STYK1: variants seen among roughly 807,000 people sequenced by gnomAD.
The protein encoded by STYK1 is tyrosine-protein kinase STYK1.
A neutral mutation model predicts 48.1 loss-of-function variants in STYK1; 46 were observed. The observed-to-expected ratio is 0.96, with a 90% confidence interval of 0.75 to 1.22. The LOEUF (loss-of-function observed/expected upper bound fraction) is 1.22, where lower values mean the gene tolerates loss of function less well. Ranked by LOEUF, STYK1 falls within the 50% of genes most tolerant of loss-of-function variation. The probability of loss-of-function intolerance (pLI) is 0.00; values close to 1 mark genes in which losing one functional copy is unlikely to be tolerated. For missense variants in STYK1, 527 were observed against 521.1 expected (o/e 1.01, Z -0.11); for synonymous variants, 188 against 189.0 (o/e 0.99, Z 0.04).
At position 10,660,648 on chromosome 12, in the gene STYK1, G is replaced by A. The variant is rs1393270237; in HGVS notation, c.-195+13318C>T. Among the ~76,000 whole-genome samples, 3 of 151,906 alleles carry A rather than the reference G, an allele frequency of 2.0e-5. 1 individual carries two copies. The highest frequency in any genetic ancestry group is 4.4e-5 in the Non-Finnish European group (3 of 67,986). Reference sequence around the variant, plus strand: ...GACATTTCTGATAAAACAGAATGTGGCAAAGAAGCAAGCCAAAACCCACCT... The same window carrying A: ...GACATTTCTGATAAAACAGAATGTGACAAAGAAGCAAGCCAAAACCCACCT... On this transcript the variant is annotated intron_variant, in intron 1 of 10. Coordinates refer to ENST00000075503, the MANE Select transcript of STYK1 (RefSeq NM_018423.3).
chr12:10,655,735 T>G (rs957347053), intron 1 of STYK1, among the ~76,000 whole-genome samples: 1 of 152,212 alleles, frequency 6.6e-6, no homozygotes, highest in Non-Finnish European at 1.5e-5. Flanking sequence ...CTTACTGGTT[T>G]CATCTGGGAG....
In STYK1 at chr12:10,670,787, A is replaced by T. The variant is rs149654407; in HGVS notation, c.-195+3179T>A. 3.8e-3 allele frequency among the ~76,000 whole-genome samples: 580 copies of T among 151,110 alleles called. 2 individuals carry two copies. The highest frequency in any genetic ancestry group is 0.014 in the African/African-American group (561 of 41,360). On this transcript the variant is annotated intron_variant, in intron 1 of 10. Transcript: ENST00000075503. Reference sequence around the variant, plus strand: ...ATACTATGTTAATTAGCTTAATTTAACTATTCCACAATATATACATATTTC... The same window carrying T: ...ATACTATGTTAATTAGCTTAATTTATCTATTCCACAATATATACATATTTC...
In STYK1 at chr12:10,620,031, A is replaced by C; in HGVS notation, c.*113T>G. ...GAGAAATGTGTAAAGGAAGATCAAG[A>C]ATCCATGTCCCATTTCTCCCTTTGT... On this transcript the variant is annotated 3_prime_UTR_variant, in exon 11 of 11. Coordinates refer to ENST00000075503, the MANE Select transcript of STYK1 (RefSeq NM_018423.3). 1.7e-6 allele frequency: 2 copies of C among 1,181,354 alleles called. No homozygotes were observed. Among genetic ancestry groups the C allele is most frequent in the Non-Finnish European group, 2.5e-6 (2 of 811,752 alleles). The allele number at this position is 1,181,354 out of a possible 1,614,324, so 73.2% of individuals were successfully genotyped here.
At chr12:10,660,493 C>A (rs1488247830) in intron 1 of STYK1, among the ~76,000 whole-genome samples, 1 of 32,446 alleles carries the variant, frequency 3.1e-5, no homozygotes, top group African/African-American at 7.0e-5. Flanking sequence ...GCATTTGAAC[C>A]AAGGCAGCTC....
intron 1 of STYK1, among the ~76,000 whole-genome samples, chr12:10,663,897 T>G (rs1362143958): frequency 6.6e-6 from 1 of 152,206 alleles, no homozygotes; most frequent in East Asian, 1.9e-4. Context: ...TCAAGGATAC[T>G]TGGGATGTTT....
In STYK1 at chr12:10,621,748, G is replaced by A; in HGVS notation, c.1064+128C>T. 1.9e-5 allele frequency: 14 copies of A among 732,134 alleles called. No individual in the cohort carries two copies. In the South Asian group the frequency reaches 2.5e-4, roughly 13 times the overall value. 45.4% of individuals were successfully genotyped at this position (732,134 alleles called of 1,614,324 possible). A position where few individuals can be genotyped will look rare whatever the true frequency, so the allele number is the denominator to read the frequency against. On this transcript the variant is annotated intron_variant, in intron 10 of 10. Transcript: ENST00000075503. ...AGGTATATTTTACTGCATGGGTTTG[G>A]TTAAAAGCTGTACATGGGTACATAT...
intron 1 of STYK1, among the ~76,000 whole-genome samples, chr12:10,645,127 G>T (rs1230622748): frequency 6.6e-6 from 1 of 152,174 alleles, no homozygotes; most frequent in Non-Finnish European, 1.5e-5. Context: ...GGAAGCAAAG[G>T]AGAGGGGCAT....
At chr12:10,645,916 A>G (rs1354731229) in intron 1 of STYK1, among the ~76,000 whole-genome samples, 4 of 152,228 alleles carry the variant, frequency 2.6e-5, no homozygotes, top group African/African-American at 7.2e-5. Flanking sequence ...GTTTCCTTGC[A>G]CAAGTTCTCT....
chr12:10,669,576 GT>G (rs905904626), intron 1 of STYK1, among the ~76,000 whole-genome samples: 1 of 152,090 alleles, frequency 6.6e-6, no homozygotes, highest in Non-Finnish European at 1.5e-5. Flanking sequence ...GCTAGGCAAT[GT>G]TTTTTTGGAC....
Position 10,620,181 on chromosome 12 carries a change from C to T in STYK1, c.1232G>A (p.Arg411Lys). 2 of 1,614,232 alleles carry T rather than the reference C, an allele frequency of 1.2e-6. No individual in the cohort carries two copies. The highest frequency in any genetic ancestry group is 2.2e-5 in the South Asian group (2 of 91,084). ...PELYAAVAGI[R>K]VESLFYNYSM... ...ATAGTTGTAGAAGAGGCTCTCCACT[C>T]TGATGCCGGCCACAGCTGCATACAG... Residue 411 changes from arginine to lysine, a missense_variant, in exon 11 of 11, where the codon AGA (arginine) becomes AAA (lysine). Physicochemically the swap from Arg to Lys is conservative, Grantham distance 26. Transcript: ENST00000075503.
intron 1 of STYK1, among the ~76,000 whole-genome samples, chr12:10,640,952 A>G (rs1392884520): frequency 6.6e-6 from 1 of 152,246 alleles, no homozygotes; most frequent in Non-Finnish European, 1.5e-5. Flanking sequence ...TATTATACAA[A>G]TTCAAAACAG....
intron 1 of STYK1, among the ~76,000 whole-genome samples, chr12:10,652,506 A>T (rs992777979): frequency 8.5e-5 from 13 of 152,304 alleles, no homozygotes; most frequent in Admixed American, 5.9e-4. Flanking sequence ...TATTCCCCAC[A>T]TCCTTCCCTC....
rs2120641526 is a variant in STYK1, at chr12:10,631,045, C to T, written c.451G>A (p.Glu151Lys). The change falls in exon 5 of 11, where the codon GAA (glutamate) becomes AAA (lysine). Residue 151 changes from glutamate to lysine, a missense_variant and splice_region_variant. By Grantham distance (56) the Glu-to-Lys change is moderately conservative (BLOSUM62 1). Coordinates refer to ENST00000075503, the MANE Select transcript of STYK1 (RefSeq NM_018423.3). Reference sequence around the variant, plus strand: ...GGGAGTCAAACACTTCTTGTTTTACCTTTTAAAGCCTTGAGAATAACACTC... The same window carrying T: ...GGGAGTCAAACACTTCTTGTTTTACTTTTTAAAGCCTTGAGAATAACACTC... ...PKSVILKALKEPAGLHEVQDF... is the reference protein window; with the variant it reads ...PKSVILKALKKPAGLHEVQDF... 1 of 1,612,622 alleles carries T rather than the reference C, an allele frequency of 6.2e-7. No individual in the cohort carries two copies. The highest frequency in any genetic ancestry group is 8.5e-7 in the Non-Finnish European group (1 of 1,179,114).
intron 1 of STYK1, among the ~76,000 whole-genome samples, chr12:10,647,962 C>CT (rs1565568651): frequency 1.3e-5 from 2 of 152,284 alleles, no homozygotes; most frequent in South Asian, 4.1e-4. Context: ...AAACCTCTTT[C>CT]TTTTGTAAAT....
intron 5 of STYK1, among the ~76,000 whole-genome samples, chr12:10,630,183 C>T (rs578253275): frequency 2.0e-5 from 3 of 151,450 alleles, no homozygotes; most frequent in Admixed American, 6.6e-5. Context: ...GTCAGGAGTT[C>T]GAGACTGGCC....
intron 1 of STYK1, among the ~76,000 whole-genome samples, chr12:10,653,475 C>G (rs1324032512): frequency 6.6e-6 from 1 of 152,058 alleles, no homozygotes; most frequent in Admixed American, 6.6e-5. Flanking sequence ...GAAAGTAGAA[C>G]TATAATGAAA....
At chr12:10,670,096 C>CT (rs1287999210) in intron 1 of STYK1, among the ~76,000 whole-genome samples, 5 of 151,944 alleles carry the variant, frequency 3.3e-5, no homozygotes, top group Non-Finnish European at 7.4e-5. Flanking sequence ...AAGTAAACTA[C>CT]TATATGATCC....
intron 7 of STYK1, among the ~76,000 whole-genome samples, chr12:10,625,206 T>TTTTG (rs56034548): frequency 0.016 from 2,384 of 145,940 alleles, 65 homozygotes; most frequent in African/African-American, 0.055. Context: ...TTCTTTCTTT[T>TTTTG]TTTGTTTGTT....
chr12:10,647,287 A>T (rs1048347533), intron 1 of STYK1, among the ~76,000 whole-genome samples: 1 of 152,350 alleles, frequency 6.6e-6, no homozygotes, highest in South Asian at 2.1e-4. Flanking sequence ...GCCCAAGACC[A>T]TGGGAACCCC....
Sources: allele counts gnomAD v4.1 joint callset (sites outside exome capture counted in the v4.1 genomes callset), GRCh38; gene constraint gnomAD v4.1.1; transcripts MANE v1.5; gene names NCBI Gene and HGNC (gene_info 2026-07-23, HGNC 2026-07-21).